The following DHX40 variants were observed in gnomAD, a reference collection of about 807,000 sequenced individuals.
DHX40 encodes the protein probable ATP-dependent RNA helicase DHX40.
DHX40 carries 28 observed loss-of-function variants against 89.6 expected under a neutral mutation model. The ratio of observed to expected loss-of-function variants is 0.31; its 90% CI spans 0.23 to 0.43. The LOEUF (loss-of-function observed/expected upper bound fraction) is 0.43, where lower values mean the gene tolerates loss of function less well. Among genes scored for constraint, DHX40 ranks in the 20% least tolerant of loss-of-function variants. The pLI is 1.00. For synonymous variants in DHX40, 226 were observed against 283.6 expected, an observed-to-expected ratio of 0.80 and a Z score of 2.04; for missense variants, 457 against 844.0, an observed-to-expected ratio of 0.54 and a Z score of 5.68.
At chr17:59,577,794 C>G (rs1352458395) in intron 8 of DHX40, among the ~76,000 whole-genome samples, 6 of 151,894 alleles carry the variant, frequency 4.0e-5, no homozygotes, top group Admixed American at 2.0e-4. Flanking sequence ...AGCTTCTTTT[C>G]AAATTTAAGA....
At chr17:59,592,911 ACT>A (rs1176399051) in intron 12 of DHX40, among the ~76,000 whole-genome samples, 1 of 95,286 alleles carries the variant, frequency 1.0e-5, no homozygotes, top group East Asian at 3.4e-4. Flanking sequence ...AGAATTATAC[ACT>A]CTCCTTTCTT....
intron 10 of DHX40, among the ~76,000 whole-genome samples, chr17:59,585,401 A>G (rs2143275884): frequency 6.8e-6 from 1 of 146,308 alleles, no homozygotes; most frequent in South Asian, 2.1e-4. Context: ...CTCCGTCTCA[A>G]AAAAAAAAAA....
At chr17:59,588,367 T>A (rs1234730714) in intron 12 of DHX40, among the ~76,000 whole-genome samples, 15 of 151,346 alleles carry the variant, frequency 9.9e-5, no homozygotes, top group Non-Finnish European at 1.5e-5. Context: ...CCTATTAACA[T>A]CTTTGATTTG....
chr17:59,600,918 C>G (rs1375224201), intron 14 of DHX40, among the ~76,000 whole-genome samples: 1 of 143,766 alleles, frequency 7.0e-6, no homozygotes, highest in Non-Finnish European at 1.5e-5. Flanking sequence ...AAAACATTTA[C>G]AATGTTGTGC....
At chr17:59,598,421 A>AT (rs1437481177) in intron 12 of DHX40, among the ~76,000 whole-genome samples, 16 of 150,788 alleles carry the variant, frequency 1.1e-4, no homozygotes, top group South Asian at 2.1e-4. Context: ...ATACCATTAC[A>AT]TTTTTTTTTC....
chr17:59,567,966 G>A (rs1288717467), intron 2 of DHX40, among the ~76,000 whole-genome samples: 1 of 151,898 alleles, frequency 6.6e-6, no homozygotes, highest in Non-Finnish European at 1.5e-5. Context: ...CGGGCGCAGT[G>A]GCTCAAGCCT....
At position 59,575,485 on chromosome 17, in the gene DHX40, A is replaced by G. The variant is rs1291219302; in HGVS notation, c.973+14A>G. 17 of 1,608,882 alleles carry G rather than the reference A, an allele frequency of 1.1e-5. No homozygotes were observed. Among genetic ancestry groups the G allele is most frequent in the Non-Finnish European group, 1.4e-5 (17 of 1,178,378 alleles). ...CAATGACAACAGGTAATTTCTCATT[A>G]GAATAGAAAATTTGATTTTTTAAAA... On this transcript the variant is annotated intron_variant, in intron 7 of 17. Coordinates refer to ENST00000251241, the MANE Select transcript of DHX40 (RefSeq NM_024612.5).
chr17:59,567,524 C>G (rs1234079361), intron 2 of DHX40, among the ~76,000 whole-genome samples: 1 of 152,164 alleles, frequency 6.6e-6, no homozygotes, highest in Non-Finnish European at 1.5e-5. Flanking sequence ...TTCCTCAGCC[C>G]TTTTCTGTCT....
rs1371907414 is a variant in DHX40, at chr17:59,588,260, G to C, written c.1582+207G>C. On this transcript the variant is annotated intron_variant, in intron 12 of 17. Transcript: ENST00000251241. ...AAAAAAACCAAAAACAAAATTAATA[G>C]ACTTTATTTTTTAGAGCATTTTTAA... is the stretch of plus-strand genomic sequence containing the variant. Among the ~76,000 whole-genome samples the C allele has an allele frequency of 1.4e-5, 2 of 139,420 alleles. 1 individual carries two copies. The highest frequency in any genetic ancestry group is 4.4e-4 in the South Asian group (2 of 4,530). 91.5% of individuals were successfully genotyped at this position (139,420 alleles called of 152,430 possible). A position where few individuals can be genotyped will look rare whatever the true frequency, so the allele number is the denominator to read the frequency against.
At chr17:59,589,315 A>T (rs1330226177) in intron 12 of DHX40, among the ~76,000 whole-genome samples, 3 of 133,496 alleles carry the variant, frequency 2.2e-5, no homozygotes, top group Non-Finnish European at 4.6e-5. Context: ...TCTGCCTCCC[A>T]GATTCGTGCC....
At chr17:59,606,137 C>T (rs1331547645) in intron 17 of DHX40, among the ~76,000 whole-genome samples, 1 of 151,938 alleles carries the variant, frequency 6.6e-6, no homozygotes, top group African/African-American at 2.4e-5. Flanking sequence ...GCCTCTGCCT[C>T]CCGGTTCAAG....
At chr17:59,591,863 T>A (rs1311152060) in intron 12 of DHX40, among the ~76,000 whole-genome samples, 2 of 151,716 alleles carry the variant, frequency 1.3e-5, no homozygotes, top group African/African-American at 2.4e-5. Context: ...TTAATCAAAA[T>A]TCGGAAATTG....
intron 15 of DHX40, 172 bp from the exon 16 acceptor site, chr17:59,604,938 ATTAAT>A: frequency 5.0e-6 from 3 of 601,946 alleles, no homozygotes; most frequent in African/African-American, 1.8e-5. Flanking sequence ...AACCTGTATA[ATTAAT>A]TTAAGATGAA....
At position 59,607,605 on chromosome 17, in the gene DHX40, TA is replaced by T. The variant is rs2030945038; in HGVS notation, c.*434del. ...TTGTTGCTGTTAGAATAGTGCTATA[TA>T]TCAGGTATGTGACCATTTATTTCAG... On this transcript the variant is annotated 3_prime_UTR_variant, in exon 18 of 18. Transcript: ENST00000251241. 3.4e-6 allele frequency: 1 copy of T among 291,042 alleles called. No individual in the cohort carries two copies. The highest frequency in any genetic ancestry group is 6.7e-5 in the South Asian group (1 of 15,032). The allele number at this position is 291,042 out of a possible 1,614,324, so 18.0% of individuals were successfully genotyped here. A position where few individuals can be genotyped will look rare whatever the true frequency, so the allele number is the denominator to read the frequency against.
At position 59,566,572 on chromosome 17, in the gene DHX40, G is replaced by A; in HGVS notation, c.113-55G>A. Reference sequence around the variant, plus strand: ...TTTCTGGTTTTAGTCATGAGAAATTGAGTCAGAGATATCTTTACAAGTCTT... The same window carrying A: ...TTTCTGGTTTTAGTCATGAGAAATTAAGTCAGAGATATCTTTACAAGTCTT... On this transcript the variant is annotated intron_variant, in intron 1 of 17. Transcript: ENST00000251241. 5 of 1,484,808 alleles carry A rather than the reference G, an allele frequency of 3.4e-6. No homozygotes were observed. In the South Asian group the frequency reaches 5.4e-5, roughly 16 times the overall value. The allele number at this position is 1,484,808 out of a possible 1,614,324, so 92.0% of individuals were successfully genotyped here.
At chr17:59,598,378 G>A (rs1189232431) in intron 12 of DHX40, among the ~76,000 whole-genome samples, 1 of 151,954 alleles carries the variant, frequency 6.6e-6, no homozygotes, top group African/African-American at 2.4e-5. Flanking sequence ...TAGTGTGACT[G>A]GGGAACATTG....
At chr17:59,569,384 G>A (rs982510655) in intron 2 of DHX40, among the ~76,000 whole-genome samples, 2 of 150,424 alleles carry the variant, frequency 1.3e-5, no homozygotes, top group Non-Finnish European at 2.9e-5. Flanking sequence ...TTTTACTCTT[G>A]TGGCAAAAGT....
chr17:59,600,870 T>TC (rs2030466190), intron 14 of DHX40, among the ~76,000 whole-genome samples: 1 of 151,130 alleles, frequency 6.6e-6, no homozygotes. Flanking sequence ...TTTTTTTTTT[T>TC]TTTTACTGTT....
intron 10 of DHX40, among the ~76,000 whole-genome samples, 165 bp from the exon 11 acceptor site, chr17:59,585,988 C>G (rs1462207282): frequency 1.3e-5 from 2 of 151,378 alleles, no homozygotes; most frequent in African/African-American, 4.9e-5. Flanking sequence ...AAATTATTTC[C>G]TCTTTTGCCA....
Sources: gnomAD v4.1 joint callset for allele counts (sites outside exome capture counted in the v4.1 genomes callset) on GRCh38, gnomAD v4.1.1 for gene constraint, MANE v1.5 for transcripts, NCBI Gene and HGNC (gene_info 2026-07-23, HGNC 2026-07-21) for gene names.